CNPY1: variants seen among roughly 807,000 people sequenced by gnomAD.
CNPY1 encodes canopy FGF signaling regulator 1.
In CNPY1, 14 loss-of-function variants were observed where a neutral mutation model predicts 14.4. The ratio of observed to expected loss-of-function variants is 0.97; its 90% CI spans 0.64 to 1.52. The LOEUF (loss-of-function observed/expected upper bound fraction) is 1.52. Among genes scored for constraint, CNPY1 ranks in the 40% most tolerant of loss-of-function variants. The pLI is 0.00. For missense variants in CNPY1, 129 were observed against 131.5 expected (o/e 0.98, Z 0.09); for synonymous variants, 43 against 46.5 (o/e 0.92, Z 0.31).
intron 2 of CNPY1, among the ~76,000 whole-genome samples, chr7:155,533,134 A>T (rs1227104628): frequency 6.6e-6 from 1 of 152,206 alleles, no homozygotes. Flanking sequence ...CAGTGACAAC[A>T]TCTGCGTGGC....
At chr7:155,528,864 T>G (rs73163398) in intron 2 of CNPY1, among the ~76,000 whole-genome samples, 2 of 151,954 alleles carry the variant, frequency 1.3e-5, no homozygotes, top group East Asian at 1.9e-4. Context: ...ATCAAGACCA[T>G]CCTGGCTAAC....
chr7:155,523,723 G>A (rs1732599703), intron 2 of CNPY1, among the ~76,000 whole-genome samples: 1 of 152,200 alleles, frequency 6.6e-6, no homozygotes, highest in Non-Finnish European at 1.5e-5. Flanking sequence ...GTTGGGCTGT[G>A]TCCCCCAAAG....
chr7:155,515,638 T>G (rs1042377087), intron 2 of CNPY1, among the ~76,000 whole-genome samples: 4 of 151,548 alleles, frequency 2.6e-5, no homozygotes, highest in African/African-American at 7.3e-5. Context: ...ACGAGGAGAT[T>G]CGGGGATTTC....
At chr7:155,511,735 T>G (rs1203787077) in intron 2 of CNPY1, among the ~76,000 whole-genome samples, 1 of 152,204 alleles carries the variant, frequency 6.6e-6, no homozygotes, top group Non-Finnish European at 1.5e-5. Flanking sequence ...GACACTACCT[T>G]ACGATGTTCG....
At chr7:155,512,432 C>T (rs1480477331) in intron 2 of CNPY1, among the ~76,000 whole-genome samples, 2 of 152,158 alleles carry the variant, frequency 1.3e-5, no homozygotes, top group African/African-American at 2.4e-5. Flanking sequence ...TCCCCCTTTA[C>T]GTTTCTTCTG....
chr7:155,519,530 T>A (rs1796678761), intron 2 of CNPY1, among the ~76,000 whole-genome samples: 1 of 134,566 alleles, frequency 7.4e-6, no homozygotes, highest in Non-Finnish European at 1.6e-5. Context: ...CAAAAATAAA[T>A]AAATAAATAA....
intron 2 of CNPY1, among the ~76,000 whole-genome samples, chr7:155,514,266 T>A (rs1162242199): frequency 1.3e-5 from 2 of 152,236 alleles, no homozygotes; most frequent in Non-Finnish European, 2.9e-5. Flanking sequence ...CTTCCGTGAT[T>A]CTGCATAAAA....
intron 2 of CNPY1, among the ~76,000 whole-genome samples, chr7:155,521,529 CACT>C: frequency 6.6e-6 from 1 of 152,320 alleles, no homozygotes; most frequent in African/African-American, 2.4e-5. Flanking sequence ...GTCCTCCCAG[CACT>C]TGTGGTCTGG....
intron 3 of CNPY1, among the ~76,000 whole-genome samples, chr7:155,507,871 G>T (rs6459705): frequency 6.6e-6 from 1 of 152,090 alleles, no homozygotes; most frequent in Non-Finnish European, 1.5e-5. Context: ...CCAGAGACTT[G>T]TAAATCATTT....
intron 2 of CNPY1, among the ~76,000 whole-genome samples, chr7:155,521,421 A>G (rs1340609030): frequency 6.6e-6 from 1 of 152,218 alleles, no homozygotes; most frequent in East Asian, 1.9e-4. Context: ...GCCAAACGCT[A>G]AGATCCCCTT....
rs772507775 is a variant in CNPY1, at chr7:155,502,717, ACT to A, written c.*349_*350del. 22 of 250,934 alleles carry A rather than the reference ACT, an allele frequency of 8.8e-5. No homozygotes were observed. The highest frequency in any genetic ancestry group is 2.0e-4 in the Admixed American group (4 of 20,442). 15.5% of individuals were successfully genotyped at this position (250,934 alleles called of 1,614,324 possible). A position where few individuals can be genotyped will look rare whatever the true frequency, so the allele number is the denominator to read the frequency against. On this transcript the variant is annotated 3_prime_UTR_variant, in exon 5 of 5. Transcript: ENST00000636446. The stretch of plus-strand genomic sequence containing the variant: ...ACTGCGCTTGCATATGTGCACATAC[ACT>A]GTTATAAAATAAGCAGCATACATTA...
chr7:155,529,325 C>T (rs1359697024), intron 2 of CNPY1, among the ~76,000 whole-genome samples: 2 of 152,188 alleles, frequency 1.3e-5, no homozygotes, highest in African/African-American at 4.8e-5. Flanking sequence ...TTGGCCATCA[C>T]CCTCACCCAT....
chr7:155,542,556 G>A (rs907792700), intron 2 of CNPY1, among the ~76,000 whole-genome samples: 14 of 152,166 alleles, frequency 9.2e-5, no homozygotes, highest in Non-Finnish European at 1.6e-4. Context: ...ATTTCTGTCT[G>A]AGCCACAATG....
intron 4 of CNPY1, among the ~76,000 whole-genome samples, chr7:155,503,664 G>A (rs1034208850): frequency 6.6e-6 from 1 of 152,114 alleles, no homozygotes; most frequent in Non-Finnish European, 1.5e-5. Flanking sequence ...CATAAAAAGG[G>A]AAAAATCTTT....
At chr7:155,533,071 C>T (rs1796968095) in intron 2 of CNPY1, among the ~76,000 whole-genome samples, 1 of 152,242 alleles carries the variant, frequency 6.6e-6, no homozygotes, top group African/African-American at 2.4e-5. Context: ...GCAAGCTCTG[C>T]ACATCGCTAG....
At position 155,527,054 on chromosome 7, in the gene CNPY1, C is replaced by CTTTCTTTT. The variant is rs56296833; in HGVS notation, c.100-17958_100-17957insAAAAGAAA. Among the ~76,000 whole-genome samples the CTTTCTTTT allele has an allele frequency of 2.7e-3, 240 of 90,344 alleles. 2 individuals are homozygous for CTTTCTTTT. Among genetic ancestry groups the CTTTCTTTT allele is most frequent in the African/African-American group, 8.1e-3 (161 of 19,816 alleles). The allele number at this position is 90,344 out of a possible 152,430, so 59.3% of individuals were successfully genotyped here. A position where few individuals can be genotyped will look rare whatever the true frequency, so the allele number is the denominator to read the frequency against. On this transcript the variant is annotated intron_variant, in intron 2 of 4. Coordinates refer to ENST00000636446, the MANE Select transcript of CNPY1 (RefSeq NM_001393663.1). ...TTTTTCTTTCTTTCTTTCTTTCTTT[C>CTTTCTTTT]TTTTTTTTTTTTTTTTTGAGACAGT... is the stretch of plus-strand genomic sequence containing the variant.
chr7:155,526,315 G>A (rs1304011231), intron 2 of CNPY1, among the ~76,000 whole-genome samples: 1 of 152,166 alleles, frequency 6.6e-6, no homozygotes, highest in Non-Finnish European at 1.5e-5. Context: ...ACAGGTAGAC[G>A]GAAAAGAAAA....
intron 2 of CNPY1, among the ~76,000 whole-genome samples, chr7:155,528,974 T>C (rs548008472): frequency 1.3e-5 from 2 of 150,978 alleles, no homozygotes; most frequent in East Asian, 4.0e-4. Context: ...GGCAGGAGAA[T>C]GGCGTGAACC....
rs181626392 is a variant in CNPY1 at position 155,544,182 on chromosome 7, C to T, written c.99+1649G>A. ...AGGTGCTGCCATCCCAGTCCCTGCA[C>T]GGCCCTCCATCCGCTGTGGGAGCTG... On this transcript the variant is annotated intron_variant, in intron 2 of 4. Transcript: ENST00000636446. Among the ~76,000 whole-genome samples the T allele has an allele frequency of 6.9e-3, 1,013 of 147,100 alleles. 5 individuals are homozygous for T. The highest frequency in any genetic ancestry group is 0.026 in the African/African-American group (953 of 36,588).
Sources: allele counts gnomAD v4.1 joint callset (sites outside exome capture counted in the v4.1 genomes callset), GRCh38; gene constraint gnomAD v4.1.1; transcripts MANE v1.5; gene names NCBI Gene and HGNC (gene_info 2026-07-23, HGNC 2026-07-21).